Variants in GRIA4 observed in about 807,000 individuals in gnomAD.
GRIA4 encodes the protein glutamate receptor 4.
A neutral mutation model predicts 104.0 loss-of-function variants in GRIA4; 34 were observed. The ratio of observed to expected loss-of-function variants is 0.33; its 90% CI spans 0.25 to 0.44. The LOEUF is 0.44. GRIA4 is among the 20% of genes least tolerant of loss of function. The pLI is 1.00. For synonymous variants in GRIA4, 386 were observed against 381.9 expected (o/e 1.01, Z -0.13); for missense variants, 750 against 1,096.5 (o/e 0.68, Z 4.46).
At chr11:105,733,759 T>A in intron 3 of GRIA4, among the ~76,000 whole-genome samples, 1 of 151,950 alleles carries the variant, frequency 6.6e-6, no homozygotes, top group East Asian at 1.9e-4. Context: ...TGGCCAGACA[T>A]CTATTCTTAT....
chr11:105,886,499 A>C (rs1320718782), intron 5 of GRIA4, among the ~76,000 whole-genome samples: 5 of 133,502 alleles, frequency 3.7e-5, no homozygotes, highest in African/African-American at 5.8e-5. Flanking sequence ...CACCCCCACT[A>C]CCCTTCCCTG....
At chr11:105,772,865 A>C (rs1941273927) in intron 4 of GRIA4, among the ~76,000 whole-genome samples, 1 of 152,162 alleles carries the variant, frequency 6.6e-6, no homozygotes, top group Non-Finnish European at 1.5e-5. Context: ...GTACAGAAAG[A>C]AAAGAAAATT....
At chr11:105,816,049 G>C (rs992135984) in intron 4 of GRIA4, among the ~76,000 whole-genome samples, 3 of 152,098 alleles carry the variant, frequency 2.0e-5, no homozygotes, top group African/African-American at 7.2e-5. Context: ...GACGTAACAA[G>C]AGGCAGCACA....
At chr11:105,852,059 A>G (rs1944831519) in intron 4 of GRIA4, among the ~76,000 whole-genome samples, 1 of 152,200 alleles carries the variant, frequency 6.6e-6, no homozygotes, top group Non-Finnish European at 1.5e-5. Flanking sequence ...AAATGTCTTA[A>G]ATGTAATATT....
At chr11:105,693,933 C>G (rs1953177877) in intron 3 of GRIA4, among the ~76,000 whole-genome samples, 1 of 152,116 alleles carries the variant, frequency 6.6e-6, no homozygotes, top group Non-Finnish European at 1.5e-5. Context: ...TGTTTGCTAT[C>G]TGGTCTTTAA....
chr11:105,911,568 A>G (rs1947235744), intron 10 of GRIA4, among the ~76,000 whole-genome samples: 2 of 151,352 alleles, frequency 1.3e-5, no homozygotes, highest in South Asian at 2.1e-4. Context: ...CAAAAGTGAT[A>G]TTAAGGTTAA....
intron 3 of GRIA4, among the ~76,000 whole-genome samples, chr11:105,634,897 G>C (rs1052186767): frequency 6.6e-6 from 1 of 152,188 alleles, no homozygotes; most frequent in Non-Finnish European, 1.5e-5. Flanking sequence ...ACATTCTGTA[G>C]AGCTTGCACC....
In GRIA4 at chr11:105,912,986, T is replaced by G. The variant is rs1442484472; in HGVS notation, c.1269+2441T>G. 6.3e-6 allele frequency: 6 copies of G among 955,932 alleles called. No individual in the cohort carries two copies. The South Asian group carries it at 2.9e-4, about 46-fold the overall frequency. 59.2% of individuals were successfully genotyped at this position (955,932 alleles called of 1,614,324 possible). On this transcript the variant is annotated intron_variant, in intron 10 of 16. Transcript: ENST00000282499. Reference sequence around the variant, plus strand: ...GAGTGAGCACTGGATATAATTCATTTTGATTGAAATTGATATGGTGTTATT... The same window carrying G: ...GAGTGAGCACTGGATATAATTCATTGTGATTGAAATTGATATGGTGTTATT...
At chr11:105,857,809 A>G (rs932004987) in intron 4 of GRIA4, among the ~76,000 whole-genome samples, 2 of 152,116 alleles carry the variant, frequency 1.3e-5, no homozygotes, top group African/African-American at 4.8e-5. Flanking sequence ...TTTCTTTTCT[A>G]AATACTTTCT....
At chr11:105,816,138 C>T (rs1943365559) in intron 4 of GRIA4, among the ~76,000 whole-genome samples, 1 of 152,136 alleles carries the variant, frequency 6.6e-6, no homozygotes. Context: ...CGATCTTGGG[C>T]CAGGCACTTC....
chr11:105,652,029 C>A (rs1951698762), intron 3 of GRIA4, among the ~76,000 whole-genome samples: 1 of 152,054 alleles, frequency 6.6e-6, no homozygotes, highest in South Asian at 2.1e-4. Flanking sequence ...ATATTTTACA[C>A]TTATCAGGCA....
intron 3 of GRIA4, among the ~76,000 whole-genome samples, chr11:105,736,585 TAA>T (rs1303700570): frequency 1.3e-5 from 2 of 152,120 alleles, no homozygotes; most frequent in Non-Finnish European, 2.9e-5. Flanking sequence ...ACACCTGATA[TAA>T]GTTACTTTAT....
At chr11:105,948,087 T>A (rs542494095) in intron 14 of GRIA4, among the ~76,000 whole-genome samples, 1 of 152,160 alleles carries the variant, frequency 6.6e-6, no homozygotes, top group Non-Finnish European at 1.5e-5. Flanking sequence ...TAGCTTGTAA[T>A]CTCTGTTTCT....
intron 4 of GRIA4, among the ~76,000 whole-genome samples, chr11:105,778,305 C>G (rs868826769): frequency 6.6e-6 from 1 of 152,166 alleles, no homozygotes; most frequent in Non-Finnish European, 1.5e-5. Context: ...ATGGATTGGA[C>G]AGTCAGGGAA....
intron 12 of GRIA4, among the ~76,000 whole-genome samples, chr11:105,926,161 C>T (rs560093753): frequency 3.2e-4 from 49 of 152,170 alleles, no homozygotes; most frequent in Non-Finnish European, 6.3e-4. Context: ...AGACGCTCTT[C>T]GGGTCCAATC....
chr11:105,840,811 G>T (rs967043386), intron 4 of GRIA4, among the ~76,000 whole-genome samples: 11 of 152,156 alleles, frequency 7.2e-5, no homozygotes, highest in Admixed American at 4.6e-4. Context: ...AATCTGAACT[G>T]CTTCTCCATT....
intron 3 of GRIA4, among the ~76,000 whole-genome samples, chr11:105,653,776 T>C (rs1270255963): frequency 6.6e-6 from 1 of 151,422 alleles, no homozygotes; most frequent in Admixed American, 6.6e-5. Flanking sequence ...AAAGGAAACA[T>C]GGAGTCAAGG....
chr11:105,901,847 CT>C (rs1294816904), intron 7 of GRIA4, among the ~76,000 whole-genome samples: 1 of 152,114 alleles, frequency 6.6e-6, no homozygotes, highest in Non-Finnish European at 1.5e-5. Flanking sequence ...CAATATTTTT[CT>C]TTTTTTCCTC....
intron 3 of GRIA4, among the ~76,000 whole-genome samples, chr11:105,624,465 A>G (rs1950833850): frequency 6.6e-6 from 1 of 152,106 alleles, no homozygotes; most frequent in South Asian, 2.1e-4. Context: ...TGGAAAGAGA[A>G]GGTTAGAGTC....
Sources: gnomAD v4.1 joint callset for allele counts (sites outside exome capture counted in the v4.1 genomes callset) on GRCh38, gnomAD v4.1.1 for gene constraint, MANE v1.5 for transcripts, NCBI Gene and HGNC (gene_info 2026-07-23, HGNC 2026-07-21) for gene names.